GLRA1: variants seen among roughly 807,000 people sequenced by gnomAD.
The protein encoded by GLRA1 is glycine receptor subunit alpha-1.
In GLRA1, 37 loss-of-function variants were observed where a neutral mutation model predicts 48.3. The ratio of observed to expected loss-of-function variants is 0.77; its 90% confidence interval spans 0.59 to 1.01. The LOEUF (loss-of-function observed/expected upper bound fraction) is 1.01. Ranked by LOEUF, GLRA1 falls within the 50% of genes least tolerant of loss-of-function variation. The probability of loss-of-function intolerance (pLI) is 0.00; values close to 1 mark genes in which losing one functional copy is unlikely to be tolerated. For synonymous variants in GLRA1, 196 were observed against 210.7 expected (o/e 0.93, Z 0.60); for missense variants, 427 against 571.0 (o/e 0.75, Z 2.57).
intron 3 of GLRA1, 122 bp downstream of exon 3, chr5:151,886,599 G>A: frequency 1.3e-6 from 1 of 761,884 alleles, no homozygotes; most frequent in South Asian, 1.4e-5. Flanking sequence ...GTATACCACT[G>A]GAGACTTGAG....
At chr5:151,891,065 T>C (rs559881143) in intron 2 of GLRA1, among the ~76,000 whole-genome samples, 1 of 152,364 alleles carries the variant, frequency 6.6e-6, no homozygotes. Context: ...AGCTGTCACA[T>C]GCCTTGTTTA....
At chr5:151,869,781 T>C (rs1753431222) in intron 3 of GLRA1, among the ~76,000 whole-genome samples, 1 of 149,722 alleles carries the variant, frequency 6.7e-6, no homozygotes, top group African/African-American at 2.6e-5. Flanking sequence ...CAACCTAGCA[T>C]ACTGGGCATT....
intron 4 of GLRA1, among the ~76,000 whole-genome samples, chr5:151,858,288 A>G (rs1228268044): frequency 1.3e-5 from 2 of 152,174 alleles, no homozygotes; most frequent in African/African-American, 2.4e-5. Flanking sequence ...GAAGGAGGGA[A>G]AAAGTGAAGA....
intron 3 of GLRA1, among the ~76,000 whole-genome samples, chr5:151,863,434 C>G (rs147852884): frequency 2.0e-4 from 31 of 151,900 alleles, no homozygotes; most frequent in African/African-American, 7.0e-4. Flanking sequence ...AACAAATAAA[C>G]AAAACAAAAA....
chr5:151,896,992 C>T (rs899775703), intron 1 of GLRA1, among the ~76,000 whole-genome samples: 1 of 152,122 alleles, frequency 6.6e-6, no homozygotes, highest in Non-Finnish European at 1.5e-5. Context: ...TAACACCTAA[C>T]GAGACTCCTG....
intron 1 of GLRA1, among the ~76,000 whole-genome samples, chr5:151,915,331 T>C (rs1261406187): frequency 6.6e-6 from 1 of 152,224 alleles, no homozygotes; most frequent in Non-Finnish European, 1.5e-5. Context: ...TGCAGTTATC[T>C]ATCAACATAT....
At chr5:151,877,281 G>A (rs1753649503) in intron 3 of GLRA1, among the ~76,000 whole-genome samples, 1 of 152,204 alleles carries the variant, frequency 6.6e-6, no homozygotes, top group Non-Finnish European at 1.5e-5. Flanking sequence ...TACATCTGCA[G>A]CAGACTTTAG....
At chr5:151,827,473 G>A (rs1470962632) in intron 8 of GLRA1, among the ~76,000 whole-genome samples, 7 of 152,072 alleles carry the variant, frequency 4.6e-5, no homozygotes, top group African/African-American at 7.2e-5. Context: ...GCACTTGTGC[G>A]GCAGGAACAA....
chr5:151,839,574 G>T (rs1011557989), intron 7 of GLRA1, among the ~76,000 whole-genome samples: 3 of 152,144 alleles, frequency 2.0e-5, no homozygotes, highest in Admixed American at 1.3e-4. Flanking sequence ...CCTAGCATTT[G>T]TATGTTGAAG....
chr5:151,833,215 T>C (rs1355905372), intron 7 of GLRA1, among the ~76,000 whole-genome samples: 3 of 152,162 alleles, frequency 2.0e-5, no homozygotes, highest in Non-Finnish European at 2.9e-5. Flanking sequence ...GTGAAGACCG[T>C]TGACACTATG....
intron 3 of GLRA1, among the ~76,000 whole-genome samples, chr5:151,881,017 A>G (rs889886370): frequency 6.6e-6 from 1 of 152,258 alleles, no homozygotes; most frequent in African/African-American, 2.4e-5. Flanking sequence ...ACATACTTAT[A>G]TCCATACCTA....
At chr5:151,887,671 T>C (rs993184744) in intron 2 of GLRA1, among the ~76,000 whole-genome samples, 5 of 152,210 alleles carry the variant, frequency 3.3e-5, no homozygotes, top group Non-Finnish European at 7.3e-5. Flanking sequence ...CTCATCTTAA[T>C]GGCTATTCTG....
intron 3 of GLRA1, chr5:151,875,839 G>T (rs1417626674): frequency 6.6e-6 from 1 of 152,270 alleles, no homozygotes; most frequent in East Asian, 1.9e-4. Flanking sequence ...AATGGAGTAG[G>T]CCAAGAACAG....
intron 6 of GLRA1, among the ~76,000 whole-genome samples, chr5:151,852,318 C>T (rs1315082378): frequency 6.6e-6 from 1 of 152,210 alleles, no homozygotes; most frequent in East Asian, 1.9e-4. Flanking sequence ...CTTCCTTCTC[C>T]TCCATGGCAG....
chr5:151,823,569 A>G (rs926517046), intron 8 of GLRA1, among the ~76,000 whole-genome samples: 2 of 152,186 alleles, frequency 1.3e-5, no homozygotes, highest in Non-Finnish European at 2.9e-5. Context: ...CTTCCGTTCT[A>G]CAAGCCAGGG....
chr5:151,832,134 C>G (rs1376893393), intron 7 of GLRA1, among the ~76,000 whole-genome samples: 1 of 152,202 alleles, frequency 6.6e-6, no homozygotes, highest in Non-Finnish European at 1.5e-5. Flanking sequence ...ACACAGAAAT[C>G]CCATTTGAAG....
intron 7 of GLRA1, among the ~76,000 whole-genome samples, chr5:151,844,212 A>G (rs919411613): frequency 6.6e-6 from 1 of 151,932 alleles, no homozygotes; most frequent in Admixed American, 6.6e-5. Flanking sequence ...CACATCACAT[A>G]TATAAATAAA....
chr5:151,922,971 G>A (rs1428545879), intron 1 of GLRA1, among the ~76,000 whole-genome samples: 2 of 152,174 alleles, frequency 1.3e-5, no homozygotes, highest in African/African-American at 4.8e-5. Flanking sequence ...TATTAAATAT[G>A]CAGGGGATAA....
intron 1 of GLRA1, among the ~76,000 whole-genome samples, chr5:151,923,809 GGGAAA>G (rs1245670649): frequency 6.6e-6 from 1 of 152,138 alleles, no homozygotes; most frequent in Non-Finnish European, 1.5e-5. Flanking sequence ...AGGTGGGTTG[GGGAAA>G]GAGGCAGTCA....
Sources: allele counts gnomAD v4.1 joint callset (sites outside exome capture counted in the v4.1 genomes callset), GRCh38; gene constraint gnomAD v4.1.1; transcripts MANE v1.5; gene names NCBI Gene and HGNC (gene_info 2026-07-23, HGNC 2026-07-21).